Variants in NCOA1 observed in about 807,000 individuals in gnomAD.
NCOA1 encodes the protein Hin-2 protein.
NCOA1 carries 35 observed loss-of-function variants against 150.9 expected under a neutral mutation model. The observed-to-expected ratio is 0.23, with a 90% CI of 0.18 to 0.31. The LOEUF (loss-of-function observed/expected upper bound fraction) is 0.31, where lower values mean the gene tolerates loss of function less well. NCOA1 is among the 10% of genes least tolerant of loss of function. The probability of loss-of-function intolerance (pLI) is 1.00; values close to 1 mark genes in which losing one functional copy is unlikely to be tolerated. For synonymous variants in NCOA1, 590 were observed against 630.0 expected (o/e 0.94, Z 0.95); for missense variants, 1,491 against 1,749.3 (o/e 0.85, Z 2.63).
chr2:24,656,580 A>G (rs7561414), intron 4 of NCOA1, among the ~76,000 whole-genome samples: 123,815 of 152,196 alleles, frequency 0.81, 52,054 homozygotes, highest in East Asian at 0.99. Context: ...ATATTTAGCT[A>G]TACTTTTGGA....
At chr2:24,566,244 G>A (rs1410450070) in intron 2 of NCOA1, among the ~76,000 whole-genome samples, 3 of 152,142 alleles carry the variant, frequency 2.0e-5, no homozygotes, top group Non-Finnish European at 4.4e-5. Context: ...AGGGTGTCCC[G>A]ATGAGTGCTC....
chr2:24,563,108 G>T (rs1246636958), intron 1 of NCOA1, among the ~76,000 whole-genome samples: 2 of 152,216 alleles, frequency 1.3e-5, no homozygotes, highest in Non-Finnish European at 2.9e-5. Context: ...GAGTTGGCCA[G>T]TGAGTGGTCA....
rs781494776 is a variant in NCOA1, at chr2:24,705,167, G to A, written c.1031G>A (p.Cys344Tyr). The change falls in exon 12 of 23, where the codon TGT (cysteine) becomes TAT (tyrosine). Residue 344 changes from cysteine to tyrosine, a missense_variant. Cys to Tyr is a radical substitution (Grantham distance 194). Coordinates refer to ENST00000348332, the MANE Select transcript of NCOA1 (RefSeq NM_003743.5). The part of the protein sequence containing the change: ...DGTMLSAHTK[C>Y]KLCYPQSPDM... ...ACAATGCTTAGCGCCCACACCAAGT[G>A]TAAACTTTGCTACCCTCAAAGTCCA... The A allele has an allele frequency of 6.2e-7, 1 of 1,614,030 alleles. No individual in the cohort carries two copies. The highest frequency in any genetic ancestry group is 8.5e-7 in the Non-Finnish European group (1 of 1,179,912).
chr2:24,701,560 C>G (rs1446333116), intron 11 of NCOA1, among the ~76,000 whole-genome samples: 2 of 150,176 alleles, frequency 1.3e-5, no homozygotes, highest in African/African-American at 4.9e-5. Flanking sequence ...ATAATATGAT[C>G]TCACTTTTAC....
At chr2:24,712,869 G>A (rs1162754026) in intron 14 of NCOA1, among the ~76,000 whole-genome samples, 1 of 151,826 alleles carries the variant, frequency 6.6e-6, no homozygotes, top group Non-Finnish European at 1.5e-5. Context: ...AAAGACAAAT[G>A]GGAAGTAGGG....
chr2:24,706,215 G>T (rs1673417132), intron 12 of NCOA1, among the ~76,000 whole-genome samples: 1 of 151,996 alleles, frequency 6.6e-6, no homozygotes, highest in Non-Finnish European at 1.5e-5. Flanking sequence ...AATGTTAATT[G>T]TGTATATTAG....
At chr2:24,736,785 C>T (rs980079302) in intron 17 of NCOA1, among the ~76,000 whole-genome samples, 2 of 152,144 alleles carry the variant, frequency 1.3e-5, no homozygotes, top group South Asian at 2.1e-4. Context: ...GCCCACGAGA[C>T]GTCAGCAGTA....
intron 3 of NCOA1, among the ~76,000 whole-genome samples, chr2:24,636,967 A>T (rs1669963865): frequency 6.6e-6 from 1 of 152,026 alleles, no homozygotes; most frequent in South Asian, 2.1e-4. Context: ...TGGGATACAT[A>T]GTGATGTCTG....
chr2:24,583,821 C>T (rs1294401325), intron 2 of NCOA1, among the ~76,000 whole-genome samples: 2 of 152,164 alleles, frequency 1.3e-5, no homozygotes, highest in South Asian at 2.1e-4. Flanking sequence ...CATTTTCACT[C>T]ATATTGTGGG....
intron 7 of NCOA1, among the ~76,000 whole-genome samples, chr2:24,678,119 T>C (rs890698127): frequency 6.6e-6 from 1 of 152,190 alleles, no homozygotes; most frequent in Non-Finnish European, 1.5e-5. Flanking sequence ...CTCCCACTTA[T>C]AAGTGAGAAC....
chr2:24,585,753 A>G (rs142026694), intron 3 of NCOA1, among the ~76,000 whole-genome samples: 2 of 152,274 alleles, frequency 1.3e-5, no homozygotes, highest in African/African-American at 4.8e-5. Flanking sequence ...TAAGATTTTC[A>G]TATACACGTA....
intron 8 of NCOA1, among the ~76,000 whole-genome samples, chr2:24,687,577 G>A (rs960437349): frequency 6.6e-6 from 1 of 152,132 alleles, no homozygotes; most frequent in African/African-American, 2.4e-5. Flanking sequence ...GGAGGCCTCA[G>A]AAAACTTACA....
chr2:24,528,060 G>T (rs1664724518), intron 1 of NCOA1, among the ~76,000 whole-genome samples: 2 of 152,058 alleles, frequency 1.3e-5, no homozygotes, highest in African/African-American at 2.4e-5. Flanking sequence ...ATAAATTTTG[G>T]ATATTAATGC....
At chr2:24,600,918 C>T (rs1003592001) in intron 3 of NCOA1, among the ~76,000 whole-genome samples, 4 of 152,018 alleles carry the variant, frequency 2.6e-5, no homozygotes, top group African/African-American at 7.2e-5. Context: ...CCTCAGTTTT[C>T]GTTAAGTCAA....
At chr2:24,695,922 C>T (rs1192027257) in intron 10 of NCOA1, among the ~76,000 whole-genome samples, 1 of 152,136 alleles carries the variant, frequency 6.6e-6, no homozygotes, top group Non-Finnish European at 1.5e-5. Flanking sequence ...GCATATGCCT[C>T]CCTTAGTCAC....
intron 3 of NCOA1, among the ~76,000 whole-genome samples, chr2:24,605,820 C>T (rs930291593): frequency 1.3e-5 from 2 of 152,106 alleles, no homozygotes; most frequent in Non-Finnish European, 2.9e-5. Flanking sequence ...TTAGGCCTGG[C>T]CCACAAAAAT....
intron 20 of NCOA1, 47 bp downstream of exon 20, chr2:24,752,203 A>G: frequency 1.9e-6 from 3 of 1,581,036 alleles, no homozygotes; most frequent in Non-Finnish European, 1.7e-6. Context: ...ACTGTGATAA[A>G]TCCTTGATAC....
Position 24,707,496 on chromosome 2 carries a change from T to C in NCOA1, c.2026T>C (p.Cys676Arg), listed in dbSNP as rs1673509875. The change falls in exon 13 of 23, where the codon TGT becomes CGT. Residue 676 changes from cysteine to arginine, a missense_variant. Cys to Arg is a radical substitution (Grantham distance 180, BLOSUM62 -3). Around this residue, in one of 8 missense-constraint regions of NCOA1, gnomAD observed 703 missense variants for 717.7 expected, o/e 0.98. Coordinates refer to ENST00000348332, the MANE Select transcript of NCOA1 (RefSeq NM_003743.5). ...SASANSSGGS[C>R]PSSHSSLTER... ...CTCTGCTAACTCTTCAGGAGGTTCT[T>C]GTCCCTCTTCTCATAGCTCATTGAC... 6.2e-7 allele frequency: 1 copy of C among 1,614,230 alleles called. No homozygotes were observed. The highest frequency in any genetic ancestry group is 2.2e-5 in the East Asian group (1 of 44,886).
chr2:24,684,853 C>T (rs1672331136), intron 8 of NCOA1, among the ~76,000 whole-genome samples: 1 of 152,092 alleles, frequency 6.6e-6, no homozygotes, highest in South Asian at 2.1e-4. Flanking sequence ...GCCAACTACA[C>T]TAACTTAGAA....
Sources: gnomAD v4.1 joint callset for allele counts (sites outside exome capture counted in the v4.1 genomes callset) on GRCh38, gnomAD v4.1.1 for gene constraint, gnomAD v4.1.1 regional missense constraint, MANE v1.5 for transcripts, NCBI Gene and HGNC (gene_info 2026-07-23, HGNC 2026-07-21) for gene names.